ATF7IP: variants seen among roughly 807,000 people sequenced by gnomAD.
The protein encoded by ATF7IP is activating transcription factor 7-interacting protein 1.
A neutral mutation model predicts 106.4 loss-of-function variants in ATF7IP; 23 were observed. That is an observed-to-expected ratio of 0.22 (90% CI 0.16 to 0.31). The LOEUF (loss-of-function observed/expected upper bound fraction) is 0.31, where lower values mean the gene tolerates loss of function less well. Among genes scored for constraint, ATF7IP ranks in the 10% least tolerant of loss-of-function variants. ATF7IP has a pLI of 1.00. For synonymous variants in ATF7IP, 542 were observed against 539.0 expected (o/e 1.01, Z -0.08); for missense variants, 1,334 against 1,524.3 (o/e 0.88, Z 2.08).
chr12:14,475,824 T>A (rs1278746457), intron 10 of ATF7IP, 66 bp from the exon 11 acceptor site: 4 of 1,305,536 alleles, frequency 3.1e-6, no homozygotes, highest in African/African-American at 3.0e-5. Flanking sequence ...TCACTTATCA[T>A]CTCATTTTTT....
At chr12:14,455,239 T>C (rs953345027) in intron 6 of ATF7IP, among the ~76,000 whole-genome samples, 1 of 151,994 alleles carries the variant, frequency 6.6e-6, no homozygotes, top group Non-Finnish European at 1.5e-5. Flanking sequence ...TTCCTTTCCC[T>C]AAAAGCTTTT....
chr12:14,393,475 GA>G, intron 1 of ATF7IP, among the ~76,000 whole-genome samples: 1 of 152,220 alleles, frequency 6.6e-6, no homozygotes, highest in Non-Finnish European at 1.5e-5. Context: ...CCTGAGAAGA[GA>G]ATATAGTTGT....
chr12:14,483,985 T>G (rs560369739), intron 13 of ATF7IP, among the ~76,000 whole-genome samples: 20 of 152,268 alleles, frequency 1.3e-4, no homozygotes, highest in South Asian at 4.2e-4. Context: ...AGAAGCATTG[T>G]GTGCAGCATA....
intron 1 of ATF7IP, among the ~76,000 whole-genome samples, chr12:14,366,921 G>T (rs1167914971): frequency 1.3e-5 from 2 of 152,038 alleles, no homozygotes; most frequent in Non-Finnish European, 2.9e-5. Context: ...TTGTAAGTGT[G>T]CTCCTGGTTT....
chr12:14,490,647 A>T (rs1205021627), intron 13 of ATF7IP, among the ~76,000 whole-genome samples: 13 of 152,086 alleles, frequency 8.5e-5, no homozygotes. Context: ...ACCAGGACCT[A>T]GTCTTAATCT....
chr12:14,473,907 G>A (rs145387271), intron 10 of ATF7IP, among the ~76,000 whole-genome samples: 90 of 151,272 alleles, frequency 5.9e-4, no homozygotes, highest in African/African-American at 2.1e-3. Flanking sequence ...CTTTGCTCCT[G>A]TATAACGTAT....
chr12:14,412,705 CT>C (rs952699738), intron 1 of ATF7IP, among the ~76,000 whole-genome samples: 12 of 148,536 alleles, frequency 8.1e-5, no homozygotes, highest in African/African-American at 9.8e-5. Context: ...ATAGTTCTTT[CT>C]TTTTTTTTTA....
At chr12:14,437,880 C>T (rs112640443) in intron 4 of ATF7IP, among the ~76,000 whole-genome samples, 9 of 151,984 alleles carry the variant, frequency 5.9e-5, no homozygotes, top group African/African-American at 2.2e-4. Context: ...GGTGAAACCC[C>T]GTCTCTACTA....
Position 14,367,843 on chromosome 12 carries a change from A to G in ATF7IP, c.-8+2016A>G, listed in dbSNP as rs373195940. On this transcript the variant is annotated intron_variant, in intron 1 of 14. Transcript: ENST00000261168. ...TTGCCTGAACACCAACTATTTGTTTATTAGTACTTTGTCAATAACAAGTAT... is the reference window on the plus strand; with the variant it reads ...TTGCCTGAACACCAACTATTTGTTTGTTAGTACTTTGTCAATAACAAGTAT... Among the ~76,000 whole-genome samples, 3 of 152,084 alleles carry G rather than the reference A, an allele frequency of 2.0e-5. No individual in the cohort carries two copies. In the East Asian group the frequency reaches 5.8e-4, roughly 29 times the overall value.
chr12:14,496,954 C>T (rs1591983092), intron 14 of ATF7IP, among the ~76,000 whole-genome samples: 1 of 152,274 alleles, frequency 6.6e-6, no homozygotes, highest in East Asian at 1.9e-4. Flanking sequence ...ATCATCTGGC[C>T]TTAACCTACC....
At chr12:14,386,615 C>T (rs1373143010) in intron 1 of ATF7IP, among the ~76,000 whole-genome samples, 1 of 151,968 alleles carries the variant, frequency 6.6e-6, no homozygotes, top group Non-Finnish European at 1.5e-5. Context: ...GCTTAAGAAA[C>T]AAAAGGACAC....
At chr12:14,478,543 G>A (rs1944331903) in intron 12 of ATF7IP, 71 bp downstream of exon 12, 1 of 1,522,362 alleles carries the variant, frequency 6.6e-7, no homozygotes, top group Non-Finnish European at 9.0e-7. Flanking sequence ...GGAGTTAAGT[G>A]GAAAGATAAG....
intron 1 of ATF7IP, among the ~76,000 whole-genome samples, chr12:14,379,030 A>C (rs1265744025): frequency 6.6e-6 from 1 of 152,146 alleles, no homozygotes; most frequent in African/African-American, 2.4e-5. Context: ...TACACCATTG[A>C]TATAGTTTGG....
At chr12:14,404,231 A>G (rs748852798) in intron 1 of ATF7IP, among the ~76,000 whole-genome samples, 19 of 151,990 alleles carry the variant, frequency 1.3e-4, no homozygotes, top group Non-Finnish European at 2.6e-4. Context: ...TCATACATGT[A>G]GAAAAATATC....
rs776585263 is a variant in ATF7IP at position 14,447,044 on chromosome 12, A to G, written c.1986A>G (p.Lys662=). The change falls in exon 6 of 15, where the codon AAA becomes AAG. Residue 662 remains lysine, a synonymous_variant. Transcript: ENST00000261168. The stretch of plus-strand genomic sequence containing the variant: ...AAGCAGCCAAAGAAGATCTTAAGAA[A>G]AGACATGAAGTAAAATTTTTCTATT... The part of the protein sequence containing the change: ...RFEAAKEDLK[K]RHEHPPNPPV... The G allele has an allele frequency of 1.3e-6, 2 of 1,596,118 alleles. No individual in the cohort carries two copies. The highest frequency in any genetic ancestry group is 4.5e-5 in the East Asian group (2 of 44,428).
At chr12:14,493,483 C>A (rs1439875765) in intron 13 of ATF7IP, among the ~76,000 whole-genome samples, 1 of 152,154 alleles carries the variant, frequency 6.6e-6, no homozygotes. Flanking sequence ...ACTCTTGCCT[C>A]ACATATCACA....
At chr12:14,443,606 T>C (rs1942814076) in intron 5 of ATF7IP, among the ~76,000 whole-genome samples, 1 of 152,214 alleles carries the variant, frequency 6.6e-6, no homozygotes, top group Non-Finnish European at 1.5e-5. Context: ...TTCAGAAACC[T>C]GTTGTAAATA....
At chr12:14,495,918 C>T (rs542078757) in intron 13 of ATF7IP, among the ~76,000 whole-genome samples, 94 of 152,278 alleles carry the variant, frequency 6.2e-4, no homozygotes, top group Middle Eastern at 3.4e-3. Context: ...CTGTGCTGGA[C>T]CTCCTGTTGC....
At chr12:14,466,838 A>C (rs1487800853) in intron 10 of ATF7IP, among the ~76,000 whole-genome samples, 1 of 152,074 alleles carries the variant, frequency 6.6e-6, no homozygotes, top group South Asian at 2.1e-4. Flanking sequence ...GACTGATTTG[A>C]TTAATACAAT....
Sources: gnomAD v4.1 joint callset for allele counts (sites outside exome capture counted in the v4.1 genomes callset) on GRCh38, gnomAD v4.1.1 for gene constraint, MANE v1.5 for transcripts, NCBI Gene and HGNC (gene_info 2026-07-23, HGNC 2026-07-21) for gene names.